The following DLG2 variants were observed in gnomAD, a reference collection of about 807,000 sequenced individuals.
The protein encoded by DLG2 is discs large MAGUK scaffold protein 2.
A neutral mutation model predicts 132.5 loss-of-function variants in DLG2; 45 were observed. That is an observed-to-expected ratio of 0.34 (90% CI 0.27 to 0.44). The LOEUF (loss-of-function observed/expected upper bound fraction) is 0.44, where lower values mean the gene tolerates loss of function less well. Ranked by LOEUF, DLG2 falls within the 20% of genes least tolerant of loss-of-function variation. DLG2 has a pLI of 1.00. For missense variants in DLG2, 1,045 were observed against 1,196.9 expected, an observed-to-expected ratio of 0.87 and a Z score of 1.87; for synonymous variants, 424 against 419.6, an observed-to-expected ratio of 1.01 and a Z score of -0.13.
intron 16 of DLG2, among the ~76,000 whole-genome samples, chr11:83,838,648 A>G (rs1036942719): frequency 6.6e-6 from 1 of 152,218 alleles, no homozygotes; most frequent in African/African-American, 2.4e-5. Flanking sequence ...TTCACATGAA[A>G]AAAGTCTGGC....
intron 18 of DLG2, among the ~76,000 whole-genome samples, chr11:83,705,904 G>C (rs985458901): frequency 6.6e-6 from 1 of 152,132 alleles, no homozygotes; most frequent in Non-Finnish European, 1.5e-5. Context: ...ACCAACAAAA[G>C]TTTCAACTTC....
intron 3 of DLG2, among the ~76,000 whole-genome samples, chr11:85,298,558 T>G (rs1160635980): frequency 1.3e-5 from 2 of 152,128 alleles, no homozygotes; most frequent in Non-Finnish European, 2.9e-5. Flanking sequence ...GCCCCAGAAT[T>G]AAGGAAATTA....
intron 6 of DLG2, among the ~76,000 whole-genome samples, chr11:85,060,798 A>G (rs1566761298): frequency 6.6e-6 from 1 of 151,764 alleles, no homozygotes; most frequent in Non-Finnish European, 1.5e-5. Flanking sequence ...TCCCAGAAAC[A>G]GTGTATAAGG....
intron 6 of DLG2, among the ~76,000 whole-genome samples, chr11:84,990,993 T>A (rs2057032574): frequency 6.6e-6 from 1 of 152,168 alleles, no homozygotes; most frequent in African/African-American, 2.4e-5. Context: ...TGGGTGAATG[T>A]TAAACTACAG....
rs896562635 is a variant in DLG2, at chr11:83,633,416, T to C, written c.1826-91A>G. The C allele has an allele frequency of 1.2e-5, 12 of 988,682 alleles. No homozygotes were observed. The African/African-American group carries it at 1.8e-4, about 15-fold the overall frequency. The allele number at this position is 988,682 out of a possible 1,614,324, so 61.2% of individuals were successfully genotyped here. ...CCCAGGCAGCCCCTCACCCACGTTG[T>C]TGGTTCCTTTGCCAAACAATGGGGA... On this transcript the variant is annotated intron_variant, in intron 18 of 27. Transcript: ENST00000376104.
At chr11:83,799,956 C>T (rs1288938939) in intron 17 of DLG2, among the ~76,000 whole-genome samples, 1 of 152,106 alleles carries the variant, frequency 6.6e-6, no homozygotes, top group Non-Finnish European at 1.5e-5. Flanking sequence ...AAGAGTACCA[C>T]ATCACAGAGT....
At chr11:83,857,146 T>C (rs978148939) in intron 16 of DLG2, among the ~76,000 whole-genome samples, 1 of 152,216 alleles carries the variant, frequency 6.6e-6, no homozygotes, top group African/African-American at 2.4e-5. Context: ...TCTGTGGTCT[T>C]ATTTCTGGGT....
chr11:83,480,213 T>TTATC (rs1481271916), intron 22 of DLG2, among the ~76,000 whole-genome samples: 1 of 152,210 alleles, frequency 6.6e-6, no homozygotes, highest in South Asian at 2.1e-4. Context: ...AGTGTCTTTT[T>TTATC]TATCTTTCCA....
intron 16 of DLG2, among the ~76,000 whole-genome samples, chr11:83,865,232 AG>A (rs1328773918): frequency 6.6e-6 from 1 of 152,158 alleles, no homozygotes; most frequent in Non-Finnish European, 1.5e-5. Context: ...CTAGTAGTGC[AG>A]GAGACAGCCA....
intron 6 of DLG2, among the ~76,000 whole-genome samples, chr11:84,744,898 T>TAAAAAAAAAAAAAAA (rs758776805): frequency 7.0e-5 from 5 of 71,804 alleles, no homozygotes; most frequent in Non-Finnish European, 8.7e-5. Flanking sequence ...AGTAAAGGTC[T>TAAAAAAAAAAAAAAA]AAAAAAAAAA....
chr11:84,091,661 A>T (rs2097095960), intron 10 of DLG2, among the ~76,000 whole-genome samples: 1 of 152,230 alleles, frequency 6.6e-6, no homozygotes, highest in Admixed American at 6.5e-5. Flanking sequence ...ACAATTTACC[A>T]CAAATTAATC....
chr11:83,777,155 A>G (rs2094612923), intron 18 of DLG2, among the ~76,000 whole-genome samples: 2 of 152,196 alleles, frequency 1.3e-5, no homozygotes, highest in African/African-American at 4.8e-5. Context: ...TTGTCCTGCC[A>G]TTGCTTAATT....
chr11:83,824,714 C>T (rs186404381), intron 17 of DLG2, among the ~76,000 whole-genome samples: 2 of 152,232 alleles, frequency 1.3e-5, no homozygotes, highest in African/African-American at 4.8e-5. Flanking sequence ...TTTCACACAT[C>T]CGCTATTATA....
At chr11:83,624,910 G>A (rs1380777612) in intron 19 of DLG2, among the ~76,000 whole-genome samples, 4 of 152,124 alleles carry the variant, frequency 2.6e-5, no homozygotes, top group Admixed American at 2.0e-4. Flanking sequence ...GCTTCATCCT[G>A]TTAAACTGTT....
chr11:83,790,604 G>T, intron 17 of DLG2: 1 of 1,318,934 alleles, frequency 7.6e-7, no homozygotes, highest in Non-Finnish European at 1.1e-6. Context: ...GTCCACTGAA[G>T]TTCCTTTGGA....
rs577413670 is a variant in DLG2 at position 85,187,819 on chromosome 11, T to G, written c.187-33168A>C. On this transcript the variant is annotated intron_variant, in intron 4 of 27. Transcript: ENST00000376104. ...CACTCAGTGGCATTGGCAGTAACAG[T>G]AACAGTCTCAGTGGCAAGCAAAAGG... 3.3e-5 allele frequency among the ~76,000 whole-genome samples: 5 copies of G among 152,228 alleles called. No individual in the cohort carries two copies. The East Asian group carries it at 5.8e-4, about 18-fold the overall frequency.
intron 3 of DLG2, among the ~76,000 whole-genome samples, chr11:85,440,104 C>T (rs2091702984): frequency 6.6e-6 from 1 of 152,140 alleles, no homozygotes; most frequent in South Asian, 2.1e-4. Context: ...CTAATATTTA[C>T]TTCATCAATC....
chr11:85,278,340 T>C (rs79048497), intron 4 of DLG2, among the ~76,000 whole-genome samples: 3,258 of 152,306 alleles, frequency 0.021, 59 homozygotes, highest in Admixed American at 0.038. Flanking sequence ...TGGGTTGCTA[T>C]AGAGATTAAG....
chr11:84,183,610 T>C (rs1453716489), intron 8 of DLG2, among the ~76,000 whole-genome samples: 1 of 152,204 alleles, frequency 6.6e-6, no homozygotes, highest in Admixed American at 6.5e-5. Context: ...AGTTTTAGGG[T>C]ACATGTGCAC....
Sources: gnomAD v4.1 joint callset for allele counts (sites outside exome capture counted in the v4.1 genomes callset) on GRCh38, gnomAD v4.1.1 for gene constraint, MANE v1.5 for transcripts, NCBI Gene and HGNC (gene_info 2026-07-23, HGNC 2026-07-21) for gene names.